The following NCAM2 variants were observed in gnomAD, a reference collection of about 807,000 sequenced individuals.
NCAM2 encodes the protein N-CAM-2.
A neutral mutation model predicts 98.1 loss-of-function variants in NCAM2; 30 were observed. The ratio of observed to expected loss-of-function variants is 0.31; its 90% confidence interval spans 0.23 to 0.41. The LOEUF is 0.41. NCAM2 is among the 10% of genes least tolerant of loss of function. The probability of loss-of-function intolerance (pLI) is 1.00; values close to 1 mark genes in which losing one functional copy is unlikely to be tolerated. For missense variants in NCAM2, 867 were observed against 1,005.8 expected (o/e 0.86, Z 1.87); for synonymous variants, 368 against 342.4 (o/e 1.07, Z -0.83).
chr21:21,475,730 T>C (rs1273686323), intron 14 of NCAM2, among the ~76,000 whole-genome samples: 2 of 152,180 alleles, frequency 1.3e-5, no homozygotes, highest in African/African-American at 4.8e-5. Context: ...CTCTTGTGTA[T>C]ATTGATAACT....
chr21:21,107,224 G>A (rs887468990), intron 1 of NCAM2, among the ~76,000 whole-genome samples: 3 of 151,962 alleles, frequency 2.0e-5, no homozygotes, highest in Admixed American at 6.6e-5. Context: ...ACAACATGGA[G>A]TAGCTTTGAT....
intron 9 of NCAM2, among the ~76,000 whole-genome samples, chr21:21,394,332 T>C (rs1043490382): frequency 4.6e-5 from 7 of 152,050 alleles, no homozygotes; most frequent in African/African-American, 7.2e-5. Flanking sequence ...CCAAAAGATA[T>C]ATTAGTTTTT....
At chr21:21,458,662 C>T (rs1002770803) in intron 12 of NCAM2, among the ~76,000 whole-genome samples, 1 of 152,192 alleles carries the variant, frequency 6.6e-6, no homozygotes, top group African/African-American at 2.4e-5. Context: ...ACTTCCCAGC[C>T]TCCAGAACTG....
intron 8 of NCAM2, among the ~76,000 whole-genome samples, chr21:21,364,179 G>A (rs907497888): frequency 3.3e-5 from 5 of 151,862 alleles, no homozygotes; most frequent in Admixed American, 6.6e-5. Flanking sequence ...ATGAAATTGC[G>A]GTTTTCAGAT....
intron 1 of NCAM2, among the ~76,000 whole-genome samples, chr21:21,224,446 G>C (rs372441163): frequency 1.3e-5 from 2 of 152,168 alleles, no homozygotes; most frequent in South Asian, 4.2e-4. Context: ...TCAAATAGCT[G>C]TCCTTCACCA....
At chr21:21,515,304 A>C (rs1175092201) in intron 16 of NCAM2, among the ~76,000 whole-genome samples, 1 of 152,178 alleles carries the variant, frequency 6.6e-6, no homozygotes, top group African/African-American at 2.4e-5. Context: ...GGGTCATGAC[A>C]CCACTTGACT....
At position 21,508,866 on chromosome 21, in the gene NCAM2, G is replaced by T; in HGVS notation, c.2093G>T (p.Gly698Val). Residue 698 changes from glycine to valine, a missense_variant, in exon 16 of 18, where the codon GGT becomes GTT. This residue lies in a region of NCAM2 where 234 missense variants were observed against 333.8 expected (regional missense o/e 0.70). Transcript: ENST00000400546. ...PNIIKDTLFN[G>V]LGLGAVIGLG... is the part of the protein sequence containing the mutation. ...ACTTTTTAAGACACGCTGTTTAATG[G>T]TCTTGGGCTTGGAGCAGTAATTGGC... 4 of 1,030,240 alleles carry T rather than the reference G, an allele frequency of 3.9e-6. No individual in the cohort carries two copies. The highest frequency in any genetic ancestry group is 5.6e-6 in the Non-Finnish European group (4 of 708,592). 63.8% of individuals were successfully genotyped at this position (1,030,240 alleles called of 1,614,324 possible).
chr21:21,115,931 G>A (rs1210441385), intron 1 of NCAM2, among the ~76,000 whole-genome samples: 1 of 150,360 alleles, frequency 6.7e-6, no homozygotes, highest in Non-Finnish European at 1.5e-5. Context: ...TAGAGTTCAG[G>A]GCTTCAGGTC....
chr21:21,028,339 T>C (rs980359994), intron 1 of NCAM2, among the ~76,000 whole-genome samples: 3 of 152,258 alleles, frequency 2.0e-5, no homozygotes, highest in Non-Finnish European at 4.4e-5. Flanking sequence ...ACAAATAATG[T>C]TAAAATCATA....
chr21:21,039,493 C>T (rs530352739), intron 1 of NCAM2, among the ~76,000 whole-genome samples: 9 of 152,228 alleles, frequency 5.9e-5, no homozygotes, highest in African/African-American at 2.2e-4. Context: ...AGGTGATGAA[C>T]ACCACAAATG....
At chr21:21,272,168 G>T (rs935025818) in intron 1 of NCAM2, among the ~76,000 whole-genome samples, 1 of 152,156 alleles carries the variant, frequency 6.6e-6, no homozygotes, top group South Asian at 2.1e-4. Flanking sequence ...ATTTGTTCTA[G>T]AGATTGTAGA....
At chr21:21,525,937 AC>A (rs1989296810) in intron 16 of NCAM2, among the ~76,000 whole-genome samples, 1 of 152,108 alleles carries the variant, frequency 6.6e-6, no homozygotes, top group South Asian at 2.1e-4. Flanking sequence ...AAATTATTTC[AC>A]AAAATTTGAT....
intron 1 of NCAM2, among the ~76,000 whole-genome samples, chr21:21,212,202 A>G (rs1028212257): frequency 6.6e-6 from 1 of 152,202 alleles, no homozygotes; most frequent in Non-Finnish European, 1.5e-5. Context: ...TACAAAATAC[A>G]TATCACCGAA....
chr21:21,152,133 A>G (rs1483225111), intron 1 of NCAM2, among the ~76,000 whole-genome samples: 1 of 151,830 alleles, frequency 6.6e-6, no homozygotes, highest in East Asian at 1.9e-4. Context: ...TGCTTTGCTC[A>G]TTTATTTTTT....
At chr21:21,461,903 G>A (rs1983027874) in intron 12 of NCAM2, among the ~76,000 whole-genome samples, 1 of 151,970 alleles carries the variant, frequency 6.6e-6, no homozygotes, top group Non-Finnish European at 1.5e-5. Flanking sequence ...ATTCGTACGT[G>A]TGGAGCTGGC....
At chr21:21,393,349 C>A (rs1421437880) in intron 9 of NCAM2, among the ~76,000 whole-genome samples, 1 of 151,968 alleles carries the variant, frequency 6.6e-6, no homozygotes, top group Non-Finnish European at 1.5e-5. Flanking sequence ...GTTATTGTAG[C>A]CCTGTAGCTT....
chr21:21,050,954 C>T lies in NCAM2; in HGVS notation c.55+52336C>T, dbSNP rs575940680. On this transcript the variant is annotated intron_variant, in intron 1 of 17. Coordinates refer to ENST00000400546, the MANE Select transcript of NCAM2 (RefSeq NM_004540.5). ...GGGAACAGCATGATACATTTGATTT[C>T]CTCTTATCAAGATACTTTAAAGTTG... 1.1e-3 allele frequency among the ~76,000 whole-genome samples: 171 copies of T among 152,258 alleles called. 4 individuals carry two copies. The highest frequency in any genetic ancestry group is 3.8e-3 in the African/African-American group (158 of 41,560).
At chr21:21,062,560 C>G (rs115541757) in intron 1 of NCAM2, among the ~76,000 whole-genome samples, 1 of 152,146 alleles carries the variant, frequency 6.6e-6, no homozygotes, top group Non-Finnish European at 1.5e-5. Flanking sequence ...AAGGAGCTAA[C>G]GCTACCGATA....
At chr21:21,123,413 A>AT (rs2066718561) in intron 1 of NCAM2, among the ~76,000 whole-genome samples, 1 of 143,710 alleles carries the variant, frequency 7.0e-6, no homozygotes, top group African/African-American at 2.6e-5. Context: ...AAAAAAAAAA[A>AT]GTTTTGCTAT....
Sources: allele counts gnomAD v4.1 joint callset (sites outside exome capture counted in the v4.1 genomes callset), GRCh38; gene constraint gnomAD v4.1.1; regional missense constraint gnomAD v4.1.1; transcripts MANE v1.5; gene names NCBI Gene and HGNC (gene_info 2026-07-23, HGNC 2026-07-21).